Variants in REDIC1 observed in about 807,000 individuals in gnomAD.
REDIC1 encodes the protein regulator of DNA class I crossover intermediates 1, also known as HEI10 Interacting Protein 1.
chr12:39,712,708 T>C, the REDIC1 span, among the ~76,000 whole-genome samples: 5 of 4,502 alleles, frequency 1.1e-3, no homozygotes, highest in Non-Finnish European at 1.1e-3. Context: ...TGTATATATG[T>C]ATATAGACGT....
At chr12:39,761,405 C>CCAA in the REDIC1 span, among the ~76,000 whole-genome samples, 1 of 151,830 alleles carries the variant, frequency 6.6e-6, no homozygotes, top group African/African-American at 2.4e-5. Flanking sequence ...CTAGCTTTGC[C>CCAA]CAACTGTAAA....
the REDIC1 span, among the ~76,000 whole-genome samples, chr12:39,792,459 T>C: frequency 6.6e-6 from 1 of 152,186 alleles, no homozygotes; most frequent in Non-Finnish European, 1.5e-5. Flanking sequence ...GTTTTCATAC[T>C]ATGTCTTTGA....
At chr12:39,836,058 C>T in the REDIC1 span, among the ~76,000 whole-genome samples, 1 of 152,064 alleles carries the variant, frequency 6.6e-6, no homozygotes, top group African/African-American at 2.4e-5. Flanking sequence ...TTCGTTGAGG[C>T]CCACACAGAA....
At chr12:39,763,765 T>G in the REDIC1 span, among the ~76,000 whole-genome samples, 41 of 152,242 alleles carry the variant, frequency 2.7e-4, no homozygotes, top group African/African-American at 9.9e-4. Flanking sequence ...TATAAAGTCA[T>G]GTGAACAATG....
the REDIC1 span, among the ~76,000 whole-genome samples, chr12:39,627,253 T>C: frequency 4.6e-5 from 7 of 152,360 alleles, no homozygotes; most frequent in African/African-American, 1.4e-4. Flanking sequence ...TATGCTAGCA[T>C]TGTATTTTAG....
the REDIC1 span, among the ~76,000 whole-genome samples, chr12:39,751,038 C>G: frequency 6.6e-6 from 1 of 152,110 alleles, no homozygotes; most frequent in Non-Finnish European, 1.5e-5. Flanking sequence ...AAAGCAATGG[C>G]AACAAAAGCC....
At chr12:39,706,862 G>A in the REDIC1 span, among the ~76,000 whole-genome samples, 1 of 151,978 alleles carries the variant, frequency 6.6e-6, no homozygotes, top group Non-Finnish European at 1.5e-5. Context: ...AATCAAAATG[G>A]ATTAAAGACT....
At chr12:39,733,069 GCACACACA>G in the REDIC1 span, among the ~76,000 whole-genome samples, 7 of 148,348 alleles carry the variant, frequency 4.7e-5, no homozygotes, top group South Asian at 2.1e-4. Context: ...GCAGAAAAAT[GCACACACA>G]CACACACACA....
the REDIC1 span, among the ~76,000 whole-genome samples, chr12:39,842,742 A>G: frequency 6.6e-6 from 1 of 152,066 alleles, no homozygotes; most frequent in Non-Finnish European, 1.5e-5. Context: ...GAACATTTTC[A>G]TTGCTCAAGA....
At chr12:39,683,478 ACT>A in the REDIC1 span, 22 of 1,591,418 alleles carry the variant, frequency 1.4e-5, no homozygotes, top group Non-Finnish European at 1.9e-5. Context: ...TATCCAGCAA[ACT>A]CTATGTAAGT....
the REDIC1 span, among the ~76,000 whole-genome samples, chr12:39,731,372 T>C: frequency 6.6e-6 from 1 of 152,296 alleles, no homozygotes; most frequent in Admixed American, 6.5e-5. Flanking sequence ...GTTAATGCTA[T>C]TCCTTTCTGT....
the REDIC1 span, among the ~76,000 whole-genome samples, chr12:39,644,667 A>G: frequency 6.6e-6 from 1 of 151,852 alleles, no homozygotes; most frequent in Admixed American, 6.6e-5. Context: ...TATACTTTAG[A>G]AAGAATAAAT....
At chr12:39,645,503 TTCA>T in the REDIC1 span, among the ~76,000 whole-genome samples, 1 of 152,152 alleles carries the variant, frequency 6.6e-6, no homozygotes, top group South Asian at 2.1e-4. Context: ...TCAGACTGTC[TTCA>T]TCATTGAGGC....
chr12:39,739,428 A>G, the REDIC1 span, among the ~76,000 whole-genome samples: 3 of 152,204 alleles, frequency 2.0e-5, no homozygotes, highest in Non-Finnish European at 4.4e-5. Flanking sequence ...TGAGAAAGCA[A>G]TGATCACACA....
the REDIC1 span, among the ~76,000 whole-genome samples, chr12:39,901,467 T>C: frequency 7.0e-6 from 1 of 142,034 alleles, no homozygotes; most frequent in African/African-American, 2.6e-5. Flanking sequence ...ATATCCAGAA[T>C]CTACAATGAA....
At chr12:39,664,374 C>T in the REDIC1 span, among the ~76,000 whole-genome samples, 2 of 152,040 alleles carry the variant, frequency 1.3e-5, no homozygotes, top group Admixed American at 6.6e-5. Flanking sequence ...TGGTTTCCAG[C>T]TTCATCCATG....
chr12:39,723,783 CA>C, the REDIC1 span, among the ~76,000 whole-genome samples: 1 of 152,036 alleles, frequency 6.6e-6, no homozygotes, highest in Admixed American at 6.6e-5. Context: ...TGAAACAGTA[CA>C]TTTTTTTGGT....
chr12:39,879,935 T>A, the REDIC1 span, among the ~76,000 whole-genome samples: 1 of 152,140 alleles, frequency 6.6e-6, no homozygotes, highest in African/African-American at 2.4e-5. Context: ...TGAGGCCTGG[T>A]GGGTGTGTTT....
the REDIC1 span, among the ~76,000 whole-genome samples, chr12:39,767,107 T>A: frequency 6.6e-6 from 1 of 152,206 alleles, no homozygotes; most frequent in South Asian, 2.1e-4. Context: ...AATCACTATC[T>A]ATGGCAGCTA....
Sources: gnomAD v4.1 joint callset for allele counts (sites outside exome capture counted in the v4.1 genomes callset) on GRCh38, gnomAD v4.1.1 for gene constraint, MANE v1.5 for transcripts, NCBI Gene and HGNC (gene_info 2026-07-23, HGNC 2026-07-21) for gene names.